Variants in MAP3K13 observed in about 807,000 individuals in gnomAD.
MAP3K13 encodes mitogen-activated protein kinase kinase kinase 13.
In MAP3K13, 52 loss-of-function variants were observed where a neutral mutation model predicts 104.0. The observed-to-expected ratio is 0.50, with a 90% confidence interval of 0.40 to 0.63. MAP3K13 has a LOEUF of 0.63. MAP3K13 is among the 20% of genes least tolerant of loss of function. The pLI is 0.00. For synonymous variants in MAP3K13, 394 were observed against 442.2 expected, an observed-to-expected ratio of 0.89 and a Z score of 1.37; for missense variants, 914 against 1,218.5, an observed-to-expected ratio of 0.75 and a Z score of 3.72.
intron 2 of MAP3K13, among the ~76,000 whole-genome samples, chr3:185,332,174 G>A (rs1722308216): frequency 6.6e-6 from 1 of 151,994 alleles, no homozygotes; most frequent in South Asian, 2.1e-4. Context: ...GGATCAAAAG[G>A]TATCATAAAT....
rs1052005773 is a variant in MAP3K13, at chr3:185,413,808, C to T, written c.-85-14689C>T. Among the ~76,000 whole-genome samples the T allele has an allele frequency of 5.9e-5, 9 of 151,890 alleles. No homozygotes were observed. The East Asian group carries it at 7.7e-4, about 13-fold the overall frequency. On this transcript the variant is annotated intron_variant, in intron 1 of 13. Transcript: ENST00000265026. The stretch of plus-strand genomic sequence containing the variant: ...CTGCACTCCAGCCTGGGCGACAGAG[C>T]GAGATTCCACCTCAAAAAACAAAAA...
intron 1 of MAP3K13, among the ~76,000 whole-genome samples, chr3:185,405,283 T>G (rs2108780735): frequency 6.6e-6 from 1 of 152,350 alleles, no homozygotes; most frequent in South Asian, 2.1e-4. Flanking sequence ...AAACTACACA[T>G]TTGCACATTC....
chr3:185,283,903 T>C (rs1225173698), intron 1 of MAP3K13, among the ~76,000 whole-genome samples: 6 of 147,860 alleles, frequency 4.1e-5, no homozygotes, highest in African/African-American at 1.2e-4. Flanking sequence ...TCTTTCTTTT[T>C]TTTTTTTTTT....
upstream of MAP3K13, among the ~76,000 whole-genome samples, chr3:185,358,371 A>G (rs1723467825): frequency 6.6e-6 from 1 of 152,170 alleles, no homozygotes; most frequent in Admixed American, 6.5e-5. Flanking sequence ...AATTCCTTAC[A>G]TGGGAGATAT....
chr3:185,325,110 G>T (rs1408921666), intron 2 of MAP3K13, among the ~76,000 whole-genome samples: 1 of 152,242 alleles, frequency 6.6e-6, no homozygotes, highest in East Asian at 1.9e-4. Context: ...GTGAAATCAT[G>T]GTCATTAAGT....
intron 13 of MAP3K13, among the ~76,000 whole-genome samples, chr3:185,481,649 C>T (rs1037325166): frequency 1.3e-5 from 2 of 152,212 alleles, no homozygotes; most frequent in African/African-American, 4.8e-5. Context: ...AGCCTGGAAT[C>T]TGACTGCCTG....
intron 4 of MAP3K13, 122 bp downstream of exon 4, chr3:185,443,758 G>A: frequency 1.3e-6 from 1 of 776,244 alleles, no homozygotes; most frequent in East Asian, 2.6e-5. Flanking sequence ...TCAGCACAGT[G>A]GGTAATTCTG....
At chr3:185,472,678 G>A (rs1237325234) in intron 10 of MAP3K13, among the ~76,000 whole-genome samples, 1 of 152,176 alleles carries the variant, frequency 6.6e-6, no homozygotes, top group Non-Finnish European at 1.5e-5. Flanking sequence ...TGCTCTGATA[G>A]GGGCTCTTTT....
chr3:185,430,195 C>G (rs1275408030), intron 2 of MAP3K13, among the ~76,000 whole-genome samples: 4 of 135,130 alleles, frequency 3.0e-5, no homozygotes, highest in Non-Finnish European at 4.8e-5. Flanking sequence ...AACTCTGCCT[C>G]AAAAAAAAAA....
chr3:185,457,457 G>A (rs1716831441), intron 7 of MAP3K13, among the ~76,000 whole-genome samples: 1 of 152,198 alleles, frequency 6.6e-6, no homozygotes, highest in Admixed American at 6.5e-5. Context: ...CTGAGTTCTG[G>A]TTTATAGGTG....
intron 5 of MAP3K13, 135 bp downstream of exon 5, chr3:185,448,082 A>G (rs1239145122): frequency 1.0e-6 from 1 of 995,832 alleles, no homozygotes; most frequent in Non-Finnish European, 1.6e-6. Context: ...TCAGCCTCAT[A>G]TTTTCTGAGG....
intron 13 of MAP3K13, among the ~76,000 whole-genome samples, chr3:185,481,527 C>T (rs1718454735): frequency 6.6e-6 from 1 of 152,032 alleles, no homozygotes; most frequent in African/African-American, 2.4e-5. Flanking sequence ...AGCCTCCCCA[C>T]TCCATACCCT....
At chr3:185,406,185 G>T (rs1713105186) in intron 1 of MAP3K13, among the ~76,000 whole-genome samples, 1 of 152,120 alleles carries the variant, frequency 6.6e-6, no homozygotes, top group South Asian at 2.1e-4. Flanking sequence ...ACAGTTTGAA[G>T]TCAGAAAAAC....
At chr3:185,359,009 A>G (rs527711945), upstream of MAP3K13, among the ~76,000 whole-genome samples, 5 of 152,298 alleles carry the variant, frequency 3.3e-5, no homozygotes, top group Non-Finnish European at 5.9e-5. Context: ...ACTAATAGAT[A>G]TTTTTAGAAT....
chr3:185,480,532 G>A lies in MAP3K13; in HGVS notation c.2799+3G>A, dbSNP rs1669335403. ...GTGTGGAGGAACGTGGCTATGAGGT[G>A]GGGGCTTCTCCCTTCTCCTCCCATC... is the stretch of plus-strand genomic sequence containing the variant. On this transcript the variant is annotated splice_donor_region_variant and intron_variant, in intron 13 of 13. Transcript: ENST00000265026. 1 of 1,611,186 alleles carries A rather than the reference G, an allele frequency of 6.2e-7. No individual in the cohort carries two copies. The highest frequency in any genetic ancestry group is 8.5e-7 in the Non-Finnish European group (1 of 1,178,024).
rs139816082 is a variant in MAP3K13 at position 185,291,903 on chromosome 3, CAAAAAAAAAA to C, written c.-86+6271_-86+6280del. On this transcript the variant is annotated intron_variant, in intron 2 of 14. Coordinates refer to the MAP3K13 transcript ENST00000424227. The stretch of plus-strand genomic sequence containing the variant: ...CTAGAGCCAAGGAGACAGTGCTTTC[CAAAAAAAAAA>C]AAAAAAAAAATGTGTTCTGTGGCCA... 46 of 914,044 alleles carry C rather than the reference CAAAAAAAAAA, an allele frequency of 5.0e-5. No individual in the cohort carries two copies. The East Asian group carries it at 4.4e-3, about 87-fold the overall frequency. 56.6% of individuals were successfully genotyped at this position (914,044 alleles called of 1,614,324 possible).
At chr3:185,421,730 G>T (rs1288025651) in intron 1 of MAP3K13, among the ~76,000 whole-genome samples, 1 of 152,170 alleles carries the variant, frequency 6.6e-6, no homozygotes, top group African/African-American at 2.4e-5. Flanking sequence ...AACTGAGAGG[G>T]CAGAAGACAG....
At chr3:185,430,343 G>A (rs773534129) in intron 2 of MAP3K13, among the ~76,000 whole-genome samples, 9 of 151,900 alleles carry the variant, frequency 5.9e-5, no homozygotes, top group African/African-American at 9.7e-5. Context: ...TCAGGGGTAC[G>A]TGCGCAGGTT....
intron 1 of MAP3K13, among the ~76,000 whole-genome samples, chr3:185,376,605 G>A (rs1212132114): frequency 6.6e-6 from 1 of 152,104 alleles, no homozygotes; most frequent in Non-Finnish European, 1.5e-5. Flanking sequence ...TTAAGGAATG[G>A]AAAGGGGAGT....
Sources: allele counts gnomAD v4.1 joint callset (sites outside exome capture counted in the v4.1 genomes callset), GRCh38; gene constraint gnomAD v4.1.1; transcripts MANE v1.5; gene names NCBI Gene and HGNC (gene_info 2026-07-23, HGNC 2026-07-21).